Variants in FGF13 observed in about 807,000 individuals in gnomAD.
FGF13 encodes the protein fibroblast growth factor homologous factor 2.
In FGF13, 2 loss-of-function variants were observed where a neutral mutation model predicts 19.5. The ratio of observed to expected loss-of-function variants is 0.10; its 90% CI spans 0.04 to 0.32. The LOEUF (loss-of-function observed/expected upper bound fraction) is 0.32, where lower values mean the gene tolerates loss of function less well. FGF13 is among the 10% of genes least tolerant of loss of function. The probability of loss-of-function intolerance (pLI) is 1.00; values close to 1 mark genes in which losing one functional copy is unlikely to be tolerated. For missense variants in FGF13, 113 were observed against 192.7 expected (o/e 0.59, Z 2.45); for synonymous variants, 72 against 76.9 (o/e 0.94, Z 0.33).
chrX:138,786,892 C>A (rs1024802284), intron 3 of FGF13, among the ~76,000 whole-genome samples: 6 of 112,054 alleles, frequency 5.4e-5, no homozygotes, highest in Non-Finnish European at 1.1e-4. Flanking sequence ...AGCACCAAGT[C>A]AAGGAGAGGA....
chrX:139,017,934 T>C (rs1603130236), intron 1 of FGF13, among the ~76,000 whole-genome samples: 2 of 111,864 alleles, frequency 1.8e-5, no homozygotes, highest in African/African-American at 6.5e-5. Context: ...CCAAGTTATG[T>C]CCCCAACTCT....
chrX:138,846,185 T>TTGTG (rs200911113), intron 3 of FGF13, among the ~76,000 whole-genome samples: 15,458 of 96,451 alleles, frequency 0.16, 1,241 homozygotes, highest in Admixed American at 0.27. Flanking sequence ...ATGTGTCCAT[T>TTGTG]TGTGTGTGTG....
At chrX:138,914,578 A>G (rs2091608320) in intron 1 of FGF13, among the ~76,000 whole-genome samples, 1 of 104,464 alleles carries the variant, frequency 9.6e-6, no homozygotes, top group Non-Finnish European at 1.9e-5. Flanking sequence ...AAAACCACCA[A>G]TGGTTTCCAA....
intron 3 of FGF13, chrX:138,806,891 A>AAGGC (rs747891802): frequency 8.9e-6 from 1 of 112,000 alleles, no homozygotes; most frequent in Admixed American, 9.5e-5. Context: ...CTAGGCCATC[A>AAGGC]AGGCACTGAG....
At chrX:138,786,657 C>T (rs1266673773) in intron 3 of FGF13, among the ~76,000 whole-genome samples, 2 of 10,807 alleles carry the variant, frequency 1.9e-4, no homozygotes, top group East Asian at 7.4e-3. Flanking sequence ...ATCCAATGAT[C>T]ATTCACCAGC....
chrX:138,954,264 G>T (rs1387236653), intron 1 of FGF13, among the ~76,000 whole-genome samples: 5 of 111,427 alleles, frequency 4.5e-5, no homozygotes, highest in African/African-American at 1.3e-4. Flanking sequence ...TTATTGCTGA[G>T]GATACAGCAC....
In FGF13 at chrX:138,628,409, TAATC is replaced by T. The variant is rs2089084860; in HGVS notation, c.*4437_*4440del. On this transcript the variant is annotated 3_prime_UTR_variant, in exon 5 of 5. Coordinates refer to ENST00000315930, the MANE Select transcript of FGF13 (RefSeq NM_004114.5). ...TGTACTGACAATCACAGCCCTGCTGTAATCAATTTCTAAAGTGAGAAAATGGCTT... is the reference window on the plus strand; with the variant it reads ...TGTACTGACAATCACAGCCCTGCTGTAATTTCTAAAGTGAGAAAATGGCTT... 8.9e-6 allele frequency: 1 copy of T among 112,308 alleles called. No homozygotes were observed. Among genetic ancestry groups the T allele is most frequent in the Non-Finnish European group, 1.9e-5 (1 of 53,270 alleles). The allele number at this position is 112,308 out of a possible 1,213,427, so 9.3% of individuals were successfully genotyped here.
At position 138,632,737 on chromosome X, in the gene FGF13, G is replaced by A. The variant is rs2089133384; in HGVS notation, c.*113C>T. On this transcript the variant is annotated 3_prime_UTR_variant, in exon 5 of 5. Coordinates refer to ENST00000315930, the MANE Select transcript of FGF13 (RefSeq NM_004114.5). The stretch of plus-strand genomic sequence containing the variant: ...ATAGAATAGTGAACTCTGCCTGTTT[G>A]TTTGGTAAATGTCACTGACAAATTT... The A allele has an allele frequency of 1.2e-6, 1 of 866,138 alleles. No individual in the cohort carries two copies. Among genetic ancestry groups the A allele is most frequent in the African/African-American group, 2.0e-5 (1 of 49,984 alleles). The allele number at this position is 866,138 out of a possible 1,213,427, so 71.4% of individuals were successfully genotyped here.
rs968869721 is a variant in FGF13, at chrX:139,153,894, G to A, written c.-113+49522C>T. On this transcript the variant is annotated intron_variant, in intron 1 of 2. Transcript: ENST00000421460. ...CTTGAGAAGACAGAGGCAGAGACTG[G>A]AATGTCAAAGATTGTTAGCAACCAG... Among the ~76,000 whole-genome samples the A allele has an allele frequency of 4.5e-5, 5 of 110,942 alleles. No individual in the cohort carries two copies. In the South Asian group the frequency reaches 1.9e-3, roughly 43 times the overall value.
At chrX:139,096,972 C>CT (rs1962619955) in intron 1 of FGF13, among the ~76,000 whole-genome samples, 1 of 111,838 alleles carries the variant, frequency 8.9e-6, no homozygotes, top group East Asian at 2.8e-4. Flanking sequence ...TTTCCCAACT[C>CT]ATTTTATGGA....
At chrX:138,860,429 C>T (rs1431657445) in intron 2 of FGF13, among the ~76,000 whole-genome samples, 1 of 111,345 alleles carries the variant, frequency 9.0e-6, no homozygotes, top group East Asian at 2.8e-4. Context: ...GAATCCAGCC[C>T]ATTAAGATAG....
In FGF13 at chrX:138,926,789, C is replaced by T. The variant is rs776867102; in HGVS notation, c.-112-62139G>A. Among the ~76,000 whole-genome samples, 3 of 111,454 alleles carry T rather than the reference C, an allele frequency of 2.7e-5. No homozygotes were observed. In the South Asian group the frequency reaches 1.2e-3, roughly 43 times the overall value. On this transcript the variant is annotated intron_variant, in intron 1 of 2. Transcript: ENST00000421460. ...CCAACGTGGCAAAACCCCACTTCTA[C>T]TGAAAATACAAAAATTAGTAGGGTG...
chrX:139,124,119 C>A (rs1403104345), intron 1 of FGF13, among the ~76,000 whole-genome samples: 1 of 112,211 alleles, frequency 8.9e-6, no homozygotes, highest in Non-Finnish European at 1.9e-5. Context: ...TCAGGAGTTT[C>A]TCTTTGTTCA....
intron 1 of FGF13, among the ~76,000 whole-genome samples, chrX:138,869,244 C>G: frequency 8.9e-6 from 1 of 112,077 alleles, no homozygotes; most frequent in African/African-American, 3.2e-5. Flanking sequence ...CATTAACAAC[C>G]CATCTTGACT....
intron 1 of FGF13, among the ~76,000 whole-genome samples, chrX:139,033,043 A>AAAAAAAAAAAAAAAAAAAAAAC (rs2092235234): frequency 9.7e-6 from 1 of 102,737 alleles, no homozygotes; most frequent in African/African-American, 3.6e-5. Context: ...AAAAAAAAAA[A>AAAAAAAAAAAAAAAAAAAAAAC]AAAAAAAAAA....
chrX:138,968,416 C>T (rs2091903145), intron 1 of FGF13, among the ~76,000 whole-genome samples: 1 of 111,581 alleles, frequency 9.0e-6, no homozygotes, highest in Admixed American at 9.5e-5. Flanking sequence ...GACTTTTCTC[C>T]CTCCCTCACT....
intron 1 of FGF13, among the ~76,000 whole-genome samples, chrX:139,086,480 C>A (rs1011036162): frequency 8.9e-6 from 1 of 111,852 alleles, no homozygotes; most frequent in African/African-American, 3.2e-5. Flanking sequence ...GTATTAAATA[C>A]CACTGAATTG....
At chrX:138,948,973 C>A (rs1332969205) in intron 1 of FGF13, among the ~76,000 whole-genome samples, 1 of 111,893 alleles carries the variant, frequency 8.9e-6, no homozygotes, top group Non-Finnish European at 1.9e-5. Context: ...ATTGACACAA[C>A]AACTCTATTA....
chrX:139,016,301 G>C (rs1308635283), intron 1 of FGF13, among the ~76,000 whole-genome samples: 1 of 111,396 alleles, frequency 9.0e-6, no homozygotes, highest in African/African-American at 3.3e-5. Flanking sequence ...GTGAAAAGAG[G>C]GGGGAAAGTA....
Sources: allele counts gnomAD v4.1 joint callset (sites outside exome capture counted in the v4.1 genomes callset), GRCh38; gene constraint gnomAD v4.1.1; transcripts MANE v1.5; gene names NCBI Gene and HGNC (gene_info 2026-07-23, HGNC 2026-07-21).